The following ADGRL2 variants were observed in gnomAD, a reference collection of about 807,000 sequenced individuals.
The protein encoded by ADGRL2 is calcium-independent alpha-latrotoxin receptor 2.
A neutral mutation model predicts 157.4 loss-of-function variants in ADGRL2; 44 were observed. The observed-to-expected ratio is 0.28, with a 90% CI of 0.22 to 0.36. The LOEUF is 0.36. Among genes scored for constraint, ADGRL2 ranks in the 10% least tolerant of loss-of-function variants. ADGRL2 has a pLI of 1.00. For missense variants in ADGRL2, 1,510 were observed against 1,768.9 expected (o/e 0.85, Z 2.63); for synonymous variants, 585 against 624.7 (o/e 0.94, Z 0.95).
intron 3 of ADGRL2, among the ~76,000 whole-genome samples, chr1:81,922,052 G>A (rs1370784448): frequency 6.6e-6 from 1 of 152,188 alleles, no homozygotes; most frequent in African/African-American, 2.4e-5. Context: ...TCTTAAAACA[G>A]TGACTAACCC....
chr1:81,322,365 A>G (rs1215250255), intron 1 of ADGRL2, among the ~76,000 whole-genome samples: 2 of 152,006 alleles, frequency 1.3e-5, no homozygotes, highest in Non-Finnish European at 2.9e-5. Flanking sequence ...AAGATACCAT[A>G]TACGATACTT....
intron 2 of ADGRL2, among the ~76,000 whole-genome samples, chr1:81,507,246 A>C (rs1038434345): frequency 6.6e-6 from 1 of 152,148 alleles, no homozygotes; most frequent in Non-Finnish European, 1.5e-5. Context: ...GAGAGCAATC[A>C]CCACCTAGAG....
At chr1:81,772,269 T>A (rs1025253481) in intron 2 of ADGRL2, among the ~76,000 whole-genome samples, 17 of 140,668 alleles carry the variant, frequency 1.2e-4, no homozygotes, top group Non-Finnish European at 1.6e-4. Flanking sequence ...AAAAAAAAAA[T>A]TATCCTTTAG....
chr1:81,770,396 T>C (rs1381891079), intron 2 of ADGRL2, among the ~76,000 whole-genome samples: 1 of 151,626 alleles, frequency 6.6e-6, no homozygotes, highest in East Asian at 1.9e-4. Context: ...CTCCTAGCCC[T>C]GTAATTCGCC....
intron 13 of ADGRL2, 44 bp downstream of exon 13, chr1:81,966,653 CAGAA>C (rs768440626): frequency 5.7e-6 from 9 of 1,575,782 alleles, no homozygotes; most frequent in Middle Eastern, 3.3e-4. Flanking sequence ...GTTATAAAAG[CAGAA>C]AGAAAGGAAA....
At chr1:81,819,158 A>G (rs1376492750) in intron 1 of ADGRL2, among the ~76,000 whole-genome samples, 4 of 152,196 alleles carry the variant, frequency 2.6e-5, no homozygotes, top group Non-Finnish European at 4.4e-5. Flanking sequence ...AATGAAAGAA[A>G]TAGGAACCTA....
chr1:81,846,885 T>C (rs749742310), intron 2 of ADGRL2, among the ~76,000 whole-genome samples: 14 of 152,100 alleles, frequency 9.2e-5, no homozygotes, highest in Non-Finnish European at 1.9e-4. Flanking sequence ...AATGCTGTGA[T>C]GAGGCGATGT....
intron 11 of ADGRL2, among the ~76,000 whole-genome samples, chr1:81,961,217 T>C (rs750468312): frequency 6.6e-6 from 1 of 152,196 alleles, no homozygotes; most frequent in Non-Finnish European, 1.5e-5. Flanking sequence ...ATTTCAAGCA[T>C]ACAGAAAGTA....
chr1:81,953,095 G>A, intron 10 of ADGRL2, 70 bp downstream of exon 10: 1 of 1,273,058 alleles, frequency 7.9e-7, no homozygotes, highest in Non-Finnish European at 1.1e-6. Flanking sequence ...TCATCTTGCT[G>A]CATGATCCAA....
chr1:81,361,438 C>T (rs2100914173), intron 1 of ADGRL2, among the ~76,000 whole-genome samples: 1 of 152,006 alleles, frequency 6.6e-6, no homozygotes, highest in South Asian at 2.1e-4. Flanking sequence ...CAAATTCTAT[C>T]AGAGTCTTTG....
At chr1:81,670,500 A>C (rs972414630) in intron 3 of ADGRL2, among the ~76,000 whole-genome samples, 2 of 152,144 alleles carry the variant, frequency 1.3e-5, no homozygotes, top group African/African-American at 4.8e-5. Context: ...CTGAGTGTAG[A>C]TGTGAGTCTC....
At chr1:81,367,890 G>C (rs1557633084) in intron 1 of ADGRL2, among the ~76,000 whole-genome samples, 1 of 152,086 alleles carries the variant, frequency 6.6e-6, no homozygotes, top group East Asian at 1.9e-4. Flanking sequence ...GTATTCCATG[G>C]TGTACATGTA....
chr1:81,436,132 A>G (rs1169442621), intron 1 of ADGRL2, among the ~76,000 whole-genome samples: 1 of 152,168 alleles, frequency 6.6e-6, no homozygotes, highest in African/African-American at 2.4e-5. Context: ...TTCAAAAGGA[A>G]AGTATTCAGC....
rs570160587 is a variant in ADGRL2, at chr1:81,686,155, T to C, written c.-142-75656T>C. ...TTAGGGTTATGCTGGCTTCATAGAA[T>C]GAGTTAGGGAGGGTTCCTTCTTTCT... On this transcript the variant is annotated intron_variant, in intron 3 of 24. Coordinates refer to the ADGRL2 transcript ENST00000370721. Among the ~76,000 whole-genome samples the C allele has an allele frequency of 3.3e-5, 5 of 152,352 alleles. No homozygotes were observed. In the South Asian group the frequency reaches 1.0e-3, roughly 32 times the overall value.
At chr1:81,921,465 A>T (rs1286688005) in intron 3 of ADGRL2, among the ~76,000 whole-genome samples, 1 of 152,122 alleles carries the variant, frequency 6.6e-6, no homozygotes, top group African/African-American at 2.4e-5. Context: ...CTGTTTTCCT[A>T]GTCATTCATT....
At chr1:81,989,373 C>T (rs1490846216) in intron 23 of ADGRL2, among the ~76,000 whole-genome samples, 1 of 152,118 alleles carries the variant, frequency 6.6e-6, no homozygotes, top group South Asian at 2.1e-4. Context: ...GTCTGTGGGC[C>T]TATCTTGTAC....
chr1:81,802,507 C>G (rs35363566), intron 1 of ADGRL2, among the ~76,000 whole-genome samples: 11,710 of 152,168 alleles, frequency 0.077, 551 homozygotes, highest in South Asian at 0.2. Flanking sequence ...GCTCTCCAGG[C>G]ATCAGTCTAG....
intron 1 of ADGRL2, among the ~76,000 whole-genome samples, chr1:81,379,944 C>T (rs1385372103): frequency 6.6e-6 from 1 of 152,138 alleles, no homozygotes; most frequent in Non-Finnish European, 1.5e-5. Context: ...GGGACCACGC[C>T]CTCCTCTACT....
At chr1:81,868,151 C>T (rs890197715) in intron 2 of ADGRL2, among the ~76,000 whole-genome samples, 3 of 151,730 alleles carry the variant, frequency 2.0e-5, no homozygotes, top group Non-Finnish European at 4.4e-5. Context: ...ATCCGTGCCA[C>T]TGCTATGTGC....
Sources: gnomAD v4.1 joint callset for allele counts (sites outside exome capture counted in the v4.1 genomes callset) on GRCh38, gnomAD v4.1.1 for gene constraint, MANE v1.5 for transcripts, NCBI Gene and HGNC (gene_info 2026-07-23, HGNC 2026-07-21) for gene names.